The following IDE variants were observed in gnomAD, a reference collection of about 807,000 sequenced individuals.
IDE encodes the protein insulin-degrading enzyme.
Under a neutral mutation model 133.2 loss-of-function variants are expected in IDE, and 58 were observed. The ratio of observed to expected loss-of-function variants is 0.44; its 90% CI spans 0.35 to 0.54. The LOEUF (loss-of-function observed/expected upper bound fraction) is 0.54. Among genes scored for constraint, IDE ranks in the 20% least tolerant of loss-of-function variants. The pLI, the probability that IDE is intolerant of heterozygous loss-of-function variation, is 0.00. For synonymous variants in IDE, 396 were observed against 421.3 expected (o/e 0.94, Z 0.73); for missense variants, 981 against 1,234.0 (o/e 0.79, Z 3.07).
At chr10:92,508,074 A>C (rs1203518237) in intron 8 of IDE, 39 bp downstream of exon 8, 2 of 1,441,532 alleles carry the variant, frequency 1.4e-6, no homozygotes, top group Admixed American at 1.8e-5. Flanking sequence ...ATAGAAAGTA[A>C]ATTTTCATTC....
rs533001032 is a variant in IDE, at chr10:92,490,681, A to G, written c.1431-86T>C. On this transcript the variant is annotated intron_variant, in intron 11 of 24. Transcript: ENST00000265986. ...AAGAACCTGACTCAGGACAATATAA[A>G]CAATATCCAAGAATGTGCTGGGCCT... 166 of 812,238 alleles carry G rather than the reference A, an allele frequency of 2.0e-4. 1 individual carries two copies. The South Asian group carries it at 2.5e-3, about 12-fold the overall frequency. The allele number at this position is 812,238 out of a possible 1,614,324, so 50.3% of individuals were successfully genotyped here.
intron 1 of IDE, among the ~76,000 whole-genome samples, chr10:92,544,239 A>G (rs2135729451): frequency 6.6e-6 from 1 of 152,156 alleles, no homozygotes; most frequent in South Asian, 2.1e-4. Flanking sequence ...TCTCAAAAAA[A>G]AAAAAAAAAA....
rs1282067943 is a variant in IDE, at chr10:92,452,800, T to C, written c.*1644A>G. 1 of 152,198 alleles carries C rather than the reference T, an allele frequency of 6.6e-6. No individual in the cohort carries two copies. The highest frequency in any genetic ancestry group is 1.9e-4 in the East Asian group (1 of 5,198). 9.4% of individuals were successfully genotyped at this position (152,198 alleles called of 1,614,324 possible). Reference sequence around the variant, plus strand: ...ACTTGCAGTTTAATGAAAAGCTGCATAGTCTACAAATACATAAAACCAGAA... The same window carrying C: ...ACTTGCAGTTTAATGAAAAGCTGCACAGTCTACAAATACATAAAACCAGAA... On this transcript the variant is annotated 3_prime_UTR_variant, in exon 25 of 25. Coordinates refer to ENST00000265986, the MANE Select transcript of IDE (RefSeq NM_004969.4).
At chr10:92,553,166 G>A (rs1390364657) in intron 1 of IDE, among the ~76,000 whole-genome samples, 2 of 152,106 alleles carry the variant, frequency 1.3e-5, no homozygotes, top group African/African-American at 4.8e-5. Flanking sequence ...GCTCACACCT[G>A]TAATCCCAGC....
chr10:92,474,855 TTTAAC>T lies in IDE; in HGVS notation c.2097_2101del (p.Leu700ArgfsTer5). On this transcript the variant is annotated frameshift_variant, in exon 17 of 25. Coordinates refer to ENST00000265986, the MANE Select transcript of IDE (RefSeq NM_004969.4). LOFTEE classifies it high-confidence loss of function. ...GAAAGTCTCACCATCCAGAGCTTCT[TTTAAC>T]TCATCTTTAGTCCAGGCCACTTCAG... The T allele has an allele frequency of 6.2e-7, 1 of 1,612,458 alleles. No homozygotes were observed. Among genetic ancestry groups the T allele is most frequent in the Non-Finnish European group, 8.5e-7 (1 of 1,179,526 alleles).
In IDE at chr10:92,537,474, C is replaced by T; in HGVS notation, c.175G>A (p.Glu59Lys). Residue 59 changes from glutamate to lysine, a missense_variant, in exon 2 of 25, where the codon GAA becomes AAA. Transcript: ENST00000265986. ...AGCCCTCGATATTCTCGCTTGTCTT[C>T]AGGAGACTTGGTAATGTGATTTCCT... ...RIGNHITKSP[E>K]DKREYRGLEL... The T allele has an allele frequency of 6.2e-7, 1 of 1,613,946 alleles. No homozygotes were observed. Among genetic ancestry groups the T allele is most frequent in the Non-Finnish European group, 8.5e-7 (1 of 1,179,846 alleles).
At chr10:92,512,338 T>C (rs1440000754) in intron 5 of IDE, among the ~76,000 whole-genome samples, 1 of 152,140 alleles carries the variant, frequency 6.6e-6, no homozygotes, top group Non-Finnish European at 1.5e-5. Context: ...TGTAAAGACA[T>C]CTCTCTCTGG....
At chr10:92,515,655 G>A (rs1178776035) in intron 4 of IDE, among the ~76,000 whole-genome samples, 15 of 144,538 alleles carry the variant, frequency 1.0e-4, no homozygotes, top group South Asian at 2.3e-4. Context: ...TCCGCCTCCC[G>A]GGTTCAAGTG....
At chr10:92,539,969 C>T (rs575784541) in intron 1 of IDE, among the ~76,000 whole-genome samples, 168 of 152,240 alleles carry the variant, frequency 1.1e-3, no homozygotes, top group African/African-American at 3.9e-3. Context: ...AGGCCAGGCA[C>T]AGTGACTCAC....
Position 92,531,823 on chromosome 10 carries a change from T to G in IDE, c.586A>C (p.Asn196His). Reference protein sequence around the residue: ...VDSEHEKNVMNDAWRLFQLEK... With the variant: ...VDSEHEKNVMHDAWRLFQLEK... The stretch of plus-strand genomic sequence containing the variant: ...AATTGAAAGAGTCTCCAGGCATCAT[T>G]CATCACATTCTTCTCATGTTCTGAA... Residue 196 changes from asparagine (N) to histidine (H), a missense_variant, in exon 4 of 25, where the codon AAT becomes CAT. Physicochemically the swap from Asn to His is moderately conservative, Grantham distance 68 (BLOSUM62 1). Around this residue, in one of 2 missense-constraint regions of IDE, gnomAD observed 321 missense variants for 339.3 expected, o/e 0.95. Coordinates refer to ENST00000265986, the MANE Select transcript of IDE (RefSeq NM_004969.4). 6.2e-7 allele frequency: 1 copy of G among 1,610,612 alleles called. No homozygotes were observed. The highest frequency in any genetic ancestry group is 8.5e-7 in the Non-Finnish European group (1 of 1,177,764).
At chr10:92,551,096 T>C (rs1327412332) in intron 1 of IDE, among the ~76,000 whole-genome samples, 1 of 152,210 alleles carries the variant, frequency 6.6e-6, no homozygotes, top group Non-Finnish European at 1.5e-5. Flanking sequence ...CAAACAGATA[T>C]TTGTACAGCT....
intron 21 of IDE, among the ~76,000 whole-genome samples, chr10:92,461,804 A>G (rs1470767456): frequency 1.3e-5 from 2 of 151,940 alleles, no homozygotes; most frequent in Non-Finnish European, 2.9e-5. Flanking sequence ...AGCTGGGACT[A>G]CAGGCGCCCG....
At chr10:92,536,194 C>T (rs1281593174) in intron 2 of IDE, among the ~76,000 whole-genome samples, 4 of 151,354 alleles carry the variant, frequency 2.6e-5, no homozygotes, top group East Asian at 3.9e-4. Flanking sequence ...ACCAGCCTGG[C>T]CAACGTGGTG....
Position 92,506,512 on chromosome 10 carries a change from G to T in IDE, c.1256C>A (p.Ala419Asp). 6.4e-7 allele frequency: 1 copy of T among 1,555,620 alleles called. No homozygotes were observed. Among genetic ancestry groups the T allele is most frequent in the Non-Finnish European group, 8.8e-7 (1 of 1,130,112 alleles). Residue 419 changes from alanine to aspartate, a missense_variant, in exon 10 of 25, where the codon GCT becomes GAT. Coordinates refer to ENST00000265986, the MANE Select transcript of IDE (RefSeq NM_004969.4). Reference sequence around the variant, plus strand: ...TTTGTCTTTAAACCTAAAAGCAACAGCATTCAAGTCCTAAAATAGAAAGTT... The same window carrying T: ...TTTGTCTTTAAACCTAAAAGCAACATCATTCAAGTCCTAAAATAGAAAGTT... ...WVFQECKDLN[A>D]VAFRFKDKER...
rs1003590437 is a variant in IDE, at chr10:92,453,250, T to C, written c.*1194A>G. ...AATATTTCAAAACAGCTGTTAAATC[T>C]ACAGTAACAATTTCACCTAAAATAG... is the stretch of plus-strand genomic sequence containing the variant. On this transcript the variant is annotated 3_prime_UTR_variant, in exon 25 of 25. Transcript: ENST00000265986. 2 of 152,168 alleles carry C rather than the reference T, an allele frequency of 1.3e-5. No individual in the cohort carries two copies. The highest frequency in any genetic ancestry group is 2.9e-5 in the Non-Finnish European group (2 of 68,018). The allele number at this position is 152,168 out of a possible 1,614,324, so 9.4% of individuals were successfully genotyped here.
chr10:92,514,881 A>G (rs756565540), intron 5 of IDE, 39 bp downstream of exon 5: 5 of 1,563,048 alleles, frequency 3.2e-6, no homozygotes, highest in African/African-American at 1.4e-5. Flanking sequence ...TTAAAAACTT[A>G]TATTATCCAA....
chr10:92,564,237 G>C (rs1018934929), intron 1 of IDE, among the ~76,000 whole-genome samples: 4 of 152,096 alleles, frequency 2.6e-5, no homozygotes, highest in African/African-American at 9.7e-5. Context: ...AGAAGCAAAG[G>C]GAAATTCCAG....
intron 11 of IDE, among the ~76,000 whole-genome samples, chr10:92,504,020 A>G (rs1206286570): frequency 4.8e-5 from 3 of 62,150 alleles, no homozygotes; most frequent in African/African-American, 1.6e-4. Context: ...GCCCAGCCCA[A>G]AAAGATTTTT....
At chr10:92,530,279 T>C (rs1319456976) in intron 4 of IDE, among the ~76,000 whole-genome samples, 1 of 151,530 alleles carries the variant, frequency 6.6e-6, no homozygotes, top group Non-Finnish European at 1.5e-5. Flanking sequence ...TGTAATGCTT[T>C]TGAAAAAACA....
Sources: allele counts gnomAD v4.1 joint callset (sites outside exome capture counted in the v4.1 genomes callset), GRCh38; gene constraint gnomAD v4.1.1; regional missense constraint gnomAD v4.1.1; transcripts MANE v1.5; gene names NCBI Gene and HGNC (gene_info 2026-07-23, HGNC 2026-07-21).